The following CACNA2D3 variants were observed in gnomAD, a reference collection of about 807,000 sequenced individuals.
The protein encoded by CACNA2D3 is voltage-dependent calcium channel subunit alpha-2/delta-3.
A neutral mutation model predicts 160.6 loss-of-function variants in CACNA2D3; 60 were observed. The observed-to-expected ratio is 0.37, with a 90% confidence interval of 0.30 to 0.46. CACNA2D3 has a LOEUF of 0.46. Among genes scored for constraint, CACNA2D3 ranks in the 20% least tolerant of loss-of-function variants. The probability of loss-of-function intolerance (pLI) is 1.00; values close to 1 mark genes in which losing one functional copy is unlikely to be tolerated. For synonymous variants in CACNA2D3, 558 were observed against 492.9 expected (o/e 1.13, Z -1.75); for missense variants, 1,205 against 1,365.0 (o/e 0.88, Z 1.85).
chr3:54,832,809 C>T (rs1575501765), intron 14 of CACNA2D3, among the ~76,000 whole-genome samples: 1 of 152,170 alleles, frequency 6.6e-6, no homozygotes, highest in Non-Finnish European at 1.5e-5. Context: ...GTTGTCTTCC[C>T]AGCACATGGC....
intron 4 of CACNA2D3, among the ~76,000 whole-genome samples, chr3:54,430,108 A>G (rs1367044644): frequency 6.6e-6 from 1 of 152,350 alleles, no homozygotes; most frequent in Non-Finnish European, 1.5e-5. Flanking sequence ...ATTTAATGCT[A>G]ATTATGTCCT....
At chr3:55,036,557 TC>T (rs943423836) in intron 35 of CACNA2D3, among the ~76,000 whole-genome samples, 23 of 152,184 alleles carry the variant, frequency 1.5e-4, no homozygotes, top group African/African-American at 5.5e-4. Context: ...AACCTCCACC[TC>T]CTGGGTTCAA....
intron 21 of CACNA2D3, among the ~76,000 whole-genome samples, chr3:54,882,238 T>A (rs1358856701): frequency 6.6e-6 from 1 of 152,208 alleles, no homozygotes; most frequent in African/African-American, 2.4e-5. Context: ...AATTCATGTC[T>A]AAGCCATGTG....
At chr3:55,014,831 T>C (rs1703293853) in intron 34 of CACNA2D3, among the ~76,000 whole-genome samples, 1 of 152,178 alleles carries the variant, frequency 6.6e-6, no homozygotes, top group East Asian at 1.9e-4. Context: ...ACTGCACATA[T>C]ATGTGGTGTT....
intron 2 of CACNA2D3, among the ~76,000 whole-genome samples, chr3:54,239,168 G>T (rs1422299045): frequency 6.6e-6 from 1 of 152,202 alleles, no homozygotes; most frequent in East Asian, 1.9e-4. Flanking sequence ...CAGCTCTGGG[G>T]TAGGACTTGG....
intron 13 of CACNA2D3, among the ~76,000 whole-genome samples, chr3:54,778,264 A>G (rs1343034542): frequency 6.6e-6 from 1 of 152,080 alleles, no homozygotes; most frequent in Admixed American, 6.6e-5. Flanking sequence ...ACCTCCCGGC[A>G]GGCCCCTTCT....
intron 29 of CACNA2D3, among the ~76,000 whole-genome samples, chr3:54,974,392 CTTTG>C (rs1257412847): frequency 6.6e-6 from 1 of 152,204 alleles, no homozygotes; most frequent in African/African-American, 2.4e-5. Context: ...GTTAGAAAGA[CTTTG>C]TTTGAGGTCA....
intron 9 of CACNA2D3, among the ~76,000 whole-genome samples, chr3:54,591,567 G>GT (rs397755008): frequency 0.11 from 13,003 of 121,292 alleles, 846 homozygotes; most frequent in South Asian, 0.25. Flanking sequence ...GTTGAAAAAA[G>GT]TTTTTTTTTT....
intron 2 of CACNA2D3, among the ~76,000 whole-genome samples, chr3:54,145,940 T>C (rs764772661): frequency 1.5e-4 from 23 of 152,192 alleles, no homozygotes; most frequent in Non-Finnish European, 2.9e-4. Flanking sequence ...GTTTCATCAG[T>C]TTGTCTTTTT....
intron 2 of CACNA2D3, among the ~76,000 whole-genome samples, chr3:54,174,785 A>T (rs1287564212): frequency 6.6e-6 from 1 of 152,238 alleles, no homozygotes; most frequent in Non-Finnish European, 1.5e-5. Context: ...TTGGCCTCCC[A>T]AAGTGCTGGG....
At chr3:54,786,325 T>C (rs1223826079) in intron 13 of CACNA2D3, among the ~76,000 whole-genome samples, 2 of 152,204 alleles carry the variant, frequency 1.3e-5, no homozygotes, top group Non-Finnish European at 2.9e-5. Flanking sequence ...GTAATATGGA[T>C]GAATGAATGG....
chr3:55,032,005 A>G (rs1366070669), intron 35 of CACNA2D3, among the ~76,000 whole-genome samples: 1 of 152,222 alleles, frequency 6.6e-6, no homozygotes, highest in Non-Finnish European at 1.5e-5. Context: ...CAGTAGATCT[A>G]AGCCTATATG....
At chr3:55,041,295 G>A (rs1263348862) in intron 35 of CACNA2D3, among the ~76,000 whole-genome samples, 2 of 152,110 alleles carry the variant, frequency 1.3e-5, no homozygotes, top group African/African-American at 4.8e-5. Context: ...TGGGATTGCT[G>A]GGTGAAAGGG....
intron 5 of CACNA2D3, among the ~76,000 whole-genome samples, chr3:54,553,910 G>C (rs1702199219): frequency 6.6e-6 from 1 of 152,216 alleles, no homozygotes; most frequent in Non-Finnish European, 1.5e-5. Flanking sequence ...AGAAAGGCAT[G>C]ATGGACCTTG....
chr3:54,739,546 T>G (rs949840990), intron 11 of CACNA2D3, among the ~76,000 whole-genome samples: 4 of 152,018 alleles, frequency 2.6e-5, no homozygotes, highest in Non-Finnish European at 5.9e-5. Flanking sequence ...ATTGGGATTC[T>G]TTTCACCTCA....
rs150971194 is a variant in CACNA2D3, at chr3:54,360,458, C to A, written c.322-26257C>A. 2.5e-3 allele frequency among the ~76,000 whole-genome samples: 376 copies of A among 152,312 alleles called. 1 individual carries two copies. The highest frequency in any genetic ancestry group is 8.6e-3 in the African/African-American group (357 of 41,574). ...TTTCAGCTCTGAACATTGCAGAGAACTGAAGACCTGTTTTCATTCCTGGTA... is the reference window on the plus strand; with the variant it reads ...TTTCAGCTCTGAACATTGCAGAGAAATGAAGACCTGTTTTCATTCCTGGTA... On this transcript the variant is annotated intron_variant, in intron 3 of 37. Transcript: ENST00000474759.
At chr3:54,430,725 A>G (rs1032047211) in intron 4 of CACNA2D3, among the ~76,000 whole-genome samples, 1 of 152,176 alleles carries the variant, frequency 6.6e-6, no homozygotes, top group Non-Finnish European at 1.5e-5. Context: ...CCTTAAATAT[A>G]TGAAGATTCT....
chr3:54,656,452 C>T lies in CACNA2D3; in HGVS notation c.1167+14211C>T, dbSNP rs528513769. Among the ~76,000 whole-genome samples the T allele has an allele frequency of 1.2e-4, 18 of 152,320 alleles. No homozygotes were observed. In the South Asian group the frequency reaches 3.7e-3, roughly 32 times the overall value. ...GCAGTCAGAAACTGCCCAGTGGCAT[C>T]CCAGGAGAGCCAGCCTGGCTGAGCC... On this transcript the variant is annotated intron_variant, in intron 11 of 37. Transcript: ENST00000474759.
intron 28 of CACNA2D3, 87 bp from the exon 29 acceptor site, chr3:54,969,713 C>T (rs1030509459): frequency 2.7e-6 from 3 of 1,096,036 alleles, no homozygotes; most frequent in African/African-American, 3.1e-5. Context: ...ATAGCTTGTC[C>T]TTAAGTAGCT....
Sources: allele counts gnomAD v4.1 joint callset (sites outside exome capture counted in the v4.1 genomes callset), GRCh38; gene constraint gnomAD v4.1.1; transcripts MANE v1.5; gene names NCBI Gene and HGNC (gene_info 2026-07-23, HGNC 2026-07-21).